Variants in MARVELD2 observed in about 807,000 individuals in gnomAD.
MARVELD2 encodes MARVEL domain containing 2, also known as MARVEL domain-containing protein 2.
Under a neutral mutation model 57.6 loss-of-function variants are expected in MARVELD2, and 49 were observed. The ratio of observed to expected loss-of-function variants is 0.85; its 90% CI spans 0.68 to 1.08. MARVELD2 has a LOEUF of 1.08. Among genes scored for constraint, MARVELD2 ranks in the 50% least tolerant of loss-of-function variants. The probability of loss-of-function intolerance (pLI) is 0.00; values close to 1 mark genes in which losing one functional copy is unlikely to be tolerated. For synonymous variants in MARVELD2, 238 were observed against 258.8 expected, an observed-to-expected ratio of 0.92 and a Z score of 0.77; for missense variants, 606 against 701.1, an observed-to-expected ratio of 0.86 and a Z score of 1.53.
rs1766541295 is a variant in MARVELD2 at position 69,419,619 on chromosome 5, A to G, written c.234A>G (p.Val78=). The change falls in exon 2 of 7, where the codon GTA becomes GTG. Residue 78 remains valine, a synonymous_variant. Coordinates refer to ENST00000325631, the MANE Select transcript of MARVELD2 (RefSeq NM_001038603.3). ...EPAIAPDLKP[V]RRFVPDSWKN... The stretch of plus-strand genomic sequence containing the variant: ...CTATAGCGCCAGATCTCAAACCAGT[A>G]AGGCGCTTTGTCCCTGACTCCTGGA... 4.3e-6 allele frequency: 7 copies of G among 1,614,152 alleles called. No individual in the cohort carries two copies. Among genetic ancestry groups the G allele is most frequent in the Non-Finnish European group, 5.9e-6 (7 of 1,180,026 alleles).
At position 69,442,405 on chromosome 5, in the gene MARVELD2, C is replaced by T. The variant is rs2150936064; in HGVS notation, c.*751C>T. On this transcript the variant is annotated 3_prime_UTR_variant, in exon 7 of 7. Coordinates refer to ENST00000325631, the MANE Select transcript of MARVELD2 (RefSeq NM_001038603.3). Reference sequence around the variant, plus strand: ...ATCCCAGATCAACATTTTCAGACATCCTGATCTTGGGCAAATTGCTTAATC... The same window carrying T: ...ATCCCAGATCAACATTTTCAGACATTCTGATCTTGGGCAAATTGCTTAATC... The T allele has an allele frequency of 1.3e-5, 2 of 152,298 alleles. No homozygotes were observed. Among genetic ancestry groups the T allele is most frequent in the South Asian group, 4.1e-4 (2 of 4,832 alleles). The allele number at this position is 152,298 out of a possible 1,614,324, so 9.4% of individuals were successfully genotyped here.
At chr5:69,429,461 G>A (rs1404157868) in intron 3 of MARVELD2, among the ~76,000 whole-genome samples, 2 of 152,130 alleles carry the variant, frequency 1.3e-5, no homozygotes, top group Non-Finnish European at 1.5e-5. Flanking sequence ...AGTTCAGCAA[G>A]CATTTCTCGA....
intron 3 of MARVELD2, 115 bp downstream of exon 3, chr5:69,424,751 G>A (rs1766733432): frequency 1.2e-6 from 1 of 851,264 alleles, no homozygotes; most frequent in Non-Finnish European, 1.9e-6. Context: ...TTGGCCAGGT[G>A]TGGTGGCTCA....
intron 2 of MARVELD2, 59 bp downstream of exon 2, chr5:69,420,590 T>C (rs1398512012): frequency 6.6e-7 from 1 of 1,512,932 alleles, no homozygotes; most frequent in African/African-American, 1.4e-5. Context: ...TGTTATTTGC[T>C]CCCTTGTTAA....
chr5:69,436,063 T>C (rs113684429), intron 5 of MARVELD2, among the ~76,000 whole-genome samples: 2 of 152,226 alleles, frequency 1.3e-5, no homozygotes, highest in Non-Finnish European at 2.9e-5. Context: ...CATTTCCAAA[T>C]GTCTATATAG....
chr5:69,416,749 T>A (rs1310578472), intron 1 of MARVELD2, among the ~76,000 whole-genome samples: 15 of 152,220 alleles, frequency 9.9e-5, no homozygotes, highest in Admixed American at 9.8e-4. Flanking sequence ...TAATAAAAAT[T>A]TTAAATACCT....
intron 2 of MARVELD2, 85 bp downstream of exon 2, chr5:69,420,616 C>T: frequency 7.9e-7 from 1 of 1,260,456 alleles, no homozygotes; most frequent in Non-Finnish European, 1.1e-6. Flanking sequence ...GTATAGCGCT[C>T]AAAACAGAAA....
chr5:69,432,699 C>T, intron 4 of MARVELD2, 24 bp downstream of exon 4: 1 of 1,613,956 alleles, frequency 6.2e-7, no homozygotes, highest in Non-Finnish European at 8.5e-7. Context: ...TGAATTCTTC[C>T]TCAAGGTAGA....
At position 69,424,081 on chromosome 5, in the gene MARVELD2, G is replaced by T. The variant is rs568415794; in HGVS notation, c.1147-520G>T. Among the ~76,000 whole-genome samples, 3 of 152,186 alleles carry T rather than the reference G, an allele frequency of 2.0e-5. No homozygotes were observed. In the South Asian group the frequency reaches 6.2e-4, roughly 32 times the overall value. On this transcript the variant is annotated intron_variant, in intron 2 of 6. Transcript: ENST00000325631. Reference sequence around the variant, plus strand: ...TTTAAAAATTCTATATGAATAGAATGATCAACATAATACTTTTATTTCTTT... The same window carrying T: ...TTTAAAAATTCTATATGAATAGAATTATCAACATAATACTTTTATTTCTTT...
At chr5:69,435,406 A>G (rs1345268851) in intron 5 of MARVELD2, among the ~76,000 whole-genome samples, 1 of 152,038 alleles carries the variant, frequency 6.6e-6, no homozygotes, top group Non-Finnish European at 1.5e-5. Flanking sequence ...ATAGTTACAG[A>G]GTTTTGCAAT....
chr5:69,432,474 GT>G (rs1324030912), intron 3 of MARVELD2, 52 bp from the exon 4 acceptor site: 6 of 1,584,444 alleles, frequency 3.8e-6, no homozygotes, highest in East Asian at 2.2e-5. Context: ...AATTCAGAGG[GT>G]TTTTTTCTAC....
chr5:69,419,926 C>T lies in MARVELD2; in HGVS notation c.541C>T (p.Leu181=), dbSNP rs755585944. ...CAGTGAGAAGGTGGAGGAGTATAACCTGAGATACTCCTACATGAAGTCGTG... is the reference window on the plus strand; with the variant it reads ...CAGTGAGAAGGTGGAGGAGTATAACTTGAGATACTCCTACATGAAGTCGTG... The part of the protein sequence containing the change: ...TYSEKVEEYN[L]RYSYMKSWAG... The change falls in exon 2 of 7, where the codon CTG becomes TTG. Residue 181 remains leucine, a synonymous_variant. Coordinates refer to ENST00000325631, the MANE Select transcript of MARVELD2 (RefSeq NM_001038603.3). 3 of 1,613,998 alleles carry T rather than the reference C, an allele frequency of 1.9e-6. No individual in the cohort carries two copies. Among genetic ancestry groups the T allele is most frequent in the South Asian group, 1.1e-5 (1 of 91,080 alleles).
At chr5:69,416,874 C>T (rs1482299736) in intron 1 of MARVELD2, among the ~76,000 whole-genome samples, 3 of 152,194 alleles carry the variant, frequency 2.0e-5, no homozygotes, top group African/African-American at 7.2e-5. Flanking sequence ...AACACAGCAT[C>T]CATAGTGATA....
intron 1 of MARVELD2, among the ~76,000 whole-genome samples, chr5:69,416,700 G>T (rs1262271172): frequency 6.6e-6 from 1 of 152,148 alleles, no homozygotes; most frequent in African/African-American, 2.4e-5. Context: ...GGTTCATAAT[G>T]CTATTCTTTC....
At chr5:69,424,727 G>A (rs1467652369) in intron 3 of MARVELD2, 91 bp downstream of exon 3, 6 of 1,051,844 alleles carry the variant, frequency 5.7e-6, no homozygotes, top group African/African-American at 1.5e-5. Flanking sequence ...TCGTACATCT[G>A]TGAAATGTAG....
chr5:69,436,523 A>C (rs1454179951), intron 5 of MARVELD2, among the ~76,000 whole-genome samples: 3 of 151,778 alleles, frequency 2.0e-5, no homozygotes, highest in Non-Finnish European at 4.4e-5. Flanking sequence ...TTAAGTGTGC[A>C]TTTAAATCAC....
Position 69,439,645 on chromosome 5 carries a change from T to C in MARVELD2, c.1504-805T>C, listed in dbSNP as rs192051261. On this transcript the variant is annotated intron_variant, in intron 5 of 6. Coordinates refer to ENST00000325631, the MANE Select transcript of MARVELD2 (RefSeq NM_001038603.3). ...GATGCACACCTATAATTCCAGCTAC[T>C]TGGGAGGCTGAGGCTCAATAACAGC... Among the ~76,000 whole-genome samples the C allele has an allele frequency of 2.7e-3, 403 of 151,992 alleles. 1 individual carries two copies. The highest frequency in any genetic ancestry group is 9.5e-3 in the African/African-American group (394 of 41,470).
At chr5:69,417,782 AC>A (rs1206382633) in intron 1 of MARVELD2, among the ~76,000 whole-genome samples, 1 of 152,084 alleles carries the variant, frequency 6.6e-6, no homozygotes, top group Non-Finnish European at 1.5e-5. Context: ...TACTAAAAAT[AC>A]AAAAAATTAG....
intron 1 of MARVELD2, chr5:69,415,608 G>T (rs527426124): frequency 6.6e-6 from 1 of 152,360 alleles, no homozygotes; most frequent in Non-Finnish European, 1.5e-5. Context: ...TAAAATGCTC[G>T]GTACCCCCGG....
Sources: gnomAD v4.1 joint callset for allele counts (sites outside exome capture counted in the v4.1 genomes callset) on GRCh38, gnomAD v4.1.1 for gene constraint, MANE v1.5 for transcripts, NCBI Gene and HGNC (gene_info 2026-07-23, HGNC 2026-07-21) for gene names.